Variants in ATAT1 observed in about 807,000 individuals in gnomAD.
ATAT1 encodes the protein alpha tubulin acetyltransferase 1.
A neutral mutation model predicts 57.2 loss-of-function variants in ATAT1; 42 were observed. That is an observed-to-expected ratio of 0.73 (90% CI 0.57 to 0.95). ATAT1 has a LOEUF of 0.95. Among genes scored for constraint, ATAT1 ranks in the 40% least tolerant of loss-of-function variants. ATAT1 has a pLI of 0.00. For missense variants in ATAT1, 454 were observed against 523.7 expected (o/e 0.87, Z 1.30); for synonymous variants, 168 against 187.1 (o/e 0.90, Z 0.83).
intron 6 of ATAT1, among the ~76,000 whole-genome samples, chr6:30,631,184 G>T (rs897674073): frequency 6.6e-6 from 1 of 151,472 alleles, no homozygotes; most frequent in African/African-American, 2.4e-5. Context: ...TAACTGAAAG[G>T]AAGTAAGAGT....
intron 10 of ATAT1, chr6:30,643,372 C>G (rs887372054): frequency 6.9e-7 from 1 of 1,458,100 alleles, no homozygotes; most frequent in Non-Finnish European, 9.1e-7. Context: ...TGGGAAGCCA[C>G]TGGCTTGTGT....
chr6:30,643,056 G>T, intron 10 of ATAT1, 45 bp downstream of exon 10: 1 of 1,553,652 alleles, frequency 6.4e-7, no homozygotes, highest in Non-Finnish European at 8.7e-7. Context: ...CTATAAAAGA[G>T]GATGTTAGAA....
At chr6:30,627,310 G>A (rs761824724) in intron 1 of ATAT1, 150 bp from the exon 2 acceptor site, 2 of 1,613,274 alleles carry the variant, frequency 1.2e-6, no homozygotes, top group Non-Finnish European at 1.7e-6. Context: ...AGGGTGGGGT[G>A]GGAAATCAGA....
chr6:30,640,001 TGTG>T (rs1474930116), intron 6 of ATAT1, among the ~76,000 whole-genome samples: 1 of 151,890 alleles, frequency 6.6e-6, no homozygotes, highest in African/African-American at 2.4e-5. Context: ...AGTAGCCAGA[TGTG>T]GTGGCATGCA....
rs1582868207 is a variant in ATAT1 at position 30,642,848 on chromosome 6, C to CCCCCCCCCCCCCCCGGG, written c.769_770insCCCCCCCCCCCCCCGGG (p.Arg257ProfsTer68). 3.1e-6 allele frequency: 5 copies of CCCCCCCCCCCCCCCGGG among 1,591,496 alleles called. No homozygotes were observed. The highest frequency in any genetic ancestry group is 2.2e-5 in the South Asian group (2 of 89,320). On this transcript the variant is annotated frameshift_variant, in exon 10 of 13. Coordinates refer to ENST00000330083, the MANE Select transcript of ATAT1 (RefSeq NM_001031722.4). LOFTEE classifies it high-confidence loss of function. The stretch of plus-strand genomic sequence containing the variant: ...CACACCTCCAGCCCACCCACCCCCC[C>CCCCCCCCCCCCCCCGGG]GCTCCAGCAGCCTGGGAAACTCACC...
intron 6 of ATAT1, among the ~76,000 whole-genome samples, chr6:30,634,491 C>T (rs1763582301): frequency 6.6e-6 from 1 of 151,062 alleles, no homozygotes. Context: ...CCTTGTGATC[C>T]ACCTACCTCG....
intron 6 of ATAT1, chr6:30,633,682 C>A (rs1057100286): frequency 1.0e-4 from 21 of 210,492 alleles, no homozygotes; most frequent in Non-Finnish European, 1.1e-5. Flanking sequence ...CCAAGGACTT[C>A]AAGGAGAAGT....
chr6:30,629,004 G>A (rs955827812), intron 6 of ATAT1, among the ~76,000 whole-genome samples: 1 of 151,252 alleles, frequency 6.6e-6, no homozygotes, highest in South Asian at 2.1e-4. Flanking sequence ...GGGCTCAAGC[G>A]ATACTCCTCC....
chr6:30,634,403 A>T lies in ATAT1; in HGVS notation c.501+5973A>T, dbSNP rs941361947. Among the ~76,000 whole-genome samples, 58 of 151,836 alleles carry T rather than the reference A, an allele frequency of 3.8e-4. 1 individual carries two copies. Among genetic ancestry groups the T allele is most frequent in the Admixed American group, 2.3e-3 (35 of 15,228 alleles). ...GTAGCTGGGATTACAGGCGCCCGCC[A>T]CCACACCCAGCTAATTTTTGTATTT... On this transcript the variant is annotated intron_variant, in intron 6 of 12. Coordinates refer to ENST00000330083, the MANE Select transcript of ATAT1 (RefSeq NM_001031722.4).
rs925893621 is a variant in ATAT1 at position 30,641,690 on chromosome 6, T to C, written c.617-486T>C. 9.3e-6 allele frequency: 7 copies of C among 754,504 alleles called. No individual in the cohort carries two copies. In the African/African-American group the frequency reaches 1.3e-4, roughly 14 times the overall value. 46.7% of individuals were successfully genotyped at this position (754,504 alleles called of 1,614,324 possible). A position where few individuals can be genotyped will look rare whatever the true frequency, so the allele number is the denominator to read the frequency against. Reference sequence around the variant, plus strand: ...AATAAAACTTCAGTCTCTTCCCATTTTCGTATAGGAAGGAGAGATTGTGCC... The same window carrying C: ...AATAAAACTTCAGTCTCTTCCCATTCTCGTATAGGAAGGAGAGATTGTGCC... On this transcript the variant is annotated intron_variant, in intron 8 of 12. Transcript: ENST00000330083.
In ATAT1 at chr6:30,645,884, T is replaced by C; in HGVS notation, c.933-11T>C. 2 of 1,474,338 alleles carry C rather than the reference T, an allele frequency of 1.4e-6. No homozygotes were observed. The highest frequency in any genetic ancestry group is 2.9e-5 in the South Asian group (2 of 69,268). 91.3% of individuals were successfully genotyped at this position (1,474,338 alleles called of 1,614,324 possible). ...TAGCCTCCTCCCCATCATCTCCCAT[T>C]TCTTCTACAGGGGGACTCCCCCAGG... On this transcript the variant is annotated splice_polypyrimidine_tract_variant and intron_variant, in intron 10 of 12. Coordinates refer to ENST00000330083, the MANE Select transcript of ATAT1 (RefSeq NM_001031722.4).
At chr6:30,637,231 C>G (rs1375351667) in intron 6 of ATAT1, among the ~76,000 whole-genome samples, 1 of 152,130 alleles carries the variant, frequency 6.6e-6, no homozygotes, top group Non-Finnish European at 1.5e-5. Flanking sequence ...TCAGTGGATT[C>G]TTGCACATCT....
intron 1 of ATAT1, 26 bp from the exon 2 acceptor site, chr6:30,627,434 A>G (rs1205715264): frequency 6.2e-7 from 1 of 1,609,064 alleles, no homozygotes; most frequent in Non-Finnish European, 8.5e-7. Flanking sequence ...TGAGTATCTG[A>G]CTCTTTATTT....
At chr6:30,646,013 C>T in intron 11 of ATAT1, 39 bp downstream of exon 11, 2 of 1,605,120 alleles carry the variant, frequency 1.2e-6, no homozygotes, top group Non-Finnish European at 1.7e-6. Flanking sequence ...ATCAAGTAGG[C>T]CACATTCACT....
intron 10 of ATAT1, chr6:30,644,469 T>A: frequency 1.7e-5 from 17 of 985,748 alleles, no homozygotes; most frequent in Non-Finnish European, 2.0e-5. Flanking sequence ...ATGCCCAGAG[T>A]ATAGCTAGAT....
At chr6:30,640,270 A>G (rs901225154) in intron 6 of ATAT1, 107 bp from the exon 7 acceptor site, 7 of 1,236,236 alleles carry the variant, frequency 5.7e-6, no homozygotes, top group Non-Finnish European at 8.1e-6. Flanking sequence ...TTGTGTAAGT[A>G]CACTCTGTGA....
chr6:30,632,065 T>C (rs1347136904), intron 6 of ATAT1, among the ~76,000 whole-genome samples: 1 of 151,892 alleles, frequency 6.6e-6, no homozygotes, highest in African/African-American at 2.4e-5. Flanking sequence ...TCCCAGCACT[T>C]TGGGAGGCCG....
intron 6 of ATAT1, among the ~76,000 whole-genome samples, chr6:30,630,492 G>A (rs1365056815): frequency 2.6e-5 from 4 of 151,838 alleles, no homozygotes; most frequent in Non-Finnish European, 5.9e-5. Context: ...AAAAATTAGC[G>A]GGGCATGATG....
intron 6 of ATAT1, among the ~76,000 whole-genome samples, chr6:30,630,340 A>C (rs1762582105): frequency 6.6e-6 from 1 of 151,984 alleles, no homozygotes; most frequent in Non-Finnish European, 1.5e-5. Context: ...AAACAAAAAC[A>C]GAAAAAAAGG....
Sources: allele counts gnomAD v4.1 joint callset (sites outside exome capture counted in the v4.1 genomes callset), GRCh38; gene constraint gnomAD v4.1.1; transcripts MANE v1.5; gene names NCBI Gene and HGNC (gene_info 2026-07-23, HGNC 2026-07-21).